Variants in AKNAD1 observed in about 807,000 individuals in gnomAD.
AKNAD1 encodes the protein protein AKNAD1.
Under a neutral mutation model 90.8 loss-of-function variants are expected in AKNAD1, and 67 were observed. The ratio of observed to expected loss-of-function variants is 0.74; its 90% CI spans 0.61 to 0.90. The LOEUF (loss-of-function observed/expected upper bound fraction) is 0.90, where lower values mean the gene tolerates loss of function less well. AKNAD1 is among the 40% of genes least tolerant of loss of function. The probability of loss-of-function intolerance (pLI) is 0.00; values close to 1 mark genes in which losing one functional copy is unlikely to be tolerated. For synonymous variants in AKNAD1, 327 were observed against 341.4 expected (o/e 0.96, Z 0.46); for missense variants, 957 against 975.4 (o/e 0.98, Z 0.25).
At chr1:108,853,927 C>A (rs1240400320) in intron 1 of AKNAD1, among the ~76,000 whole-genome samples, 6 of 96,988 alleles carry the variant, frequency 6.2e-5, no homozygotes, top group African/African-American at 2.5e-4. Flanking sequence ...CAGAGAGAGA[C>A]CCCGTCTCAA....
intron 10 of AKNAD1, among the ~76,000 whole-genome samples, chr1:108,828,799 C>T (rs1664096618): frequency 6.6e-6 from 1 of 151,800 alleles, no homozygotes; most frequent in African/African-American, 2.4e-5. Context: ...ACTTGGATCT[C>T]ACTCAAGTGC....
chr1:108,856,712 T>G (rs1289432074), intron 1 of AKNAD1, among the ~76,000 whole-genome samples: 1 of 134,062 alleles, frequency 7.5e-6, no homozygotes, highest in East Asian at 1.9e-4. Flanking sequence ...TCTCTCTCTC[T>G]CTCTCTCACA....
chr1:108,848,428 C>G (rs879752124), intron 5 of AKNAD1, among the ~76,000 whole-genome samples: 9 of 152,132 alleles, frequency 5.9e-5, no homozygotes, highest in Non-Finnish European at 1.3e-4. Context: ...TTCACCAGTA[C>G]CCATCAACTG....
rs1242102105 is a variant in AKNAD1 at position 108,851,664 on chromosome 1, T to C, written c.993+8A>G. The C allele has an allele frequency of 3.2e-6, 5 of 1,572,414 alleles. No homozygotes were observed. Among genetic ancestry groups the C allele is most frequent in the Non-Finnish European group, 4.3e-6 (5 of 1,164,642 alleles). Reference sequence around the variant, plus strand: ...ATTAATGTGTTTACAGGAGACTGTTTCATTTACCTGGATTTGTTGTGAAGG... The same window carrying C: ...ATTAATGTGTTTACAGGAGACTGTTCCATTTACCTGGATTTGTTGTGAAGG... On this transcript the variant is annotated splice_region_variant and intron_variant, in intron 2 of 15. Transcript: ENST00000370001.
intron 14 of AKNAD1, among the ~76,000 whole-genome samples, chr1:108,818,306 C>T (rs1377208096): frequency 2.0e-5 from 3 of 152,132 alleles, no homozygotes; most frequent in Non-Finnish European, 4.4e-5. Flanking sequence ...TCCTTTCATC[C>T]CTCTCCCCTA....
At position 108,832,706 on chromosome 1, in the gene AKNAD1, A is replaced by G. The variant is rs1168501141; in HGVS notation, c.1746+1741T>C. Reference sequence around the variant, plus strand: ...AACAACTTAAAATATCAATATTGTCAAGGAGGAGGTGCGAGTGGCCAAGAA... The same window carrying G: ...AACAACTTAAAATATCAATATTGTCGAGGAGGAGGTGCGAGTGGCCAAGAA... On this transcript the variant is annotated intron_variant, in intron 9 of 15. Transcript: ENST00000370001. 2.6e-5 allele frequency among the ~76,000 whole-genome samples: 4 copies of G among 152,182 alleles called. No homozygotes were observed. The South Asian group carries it at 6.2e-4, about 24-fold the overall frequency.
At chr1:108,826,971 A>G (rs1451113592) in intron 11 of AKNAD1, among the ~76,000 whole-genome samples, 2 of 151,236 alleles carry the variant, frequency 1.3e-5, no homozygotes, top group Non-Finnish European at 2.9e-5. Context: ...TGAACTCCTG[A>G]GCTCAAGTGA....
rs745945944 is a variant in AKNAD1 at position 108,852,204 on chromosome 1, C to T, written c.461G>A (p.Cys154Tyr). 1 of 1,613,574 alleles carries T rather than the reference C, an allele frequency of 6.2e-7. No individual in the cohort carries two copies. Residue 154 changes from cysteine to tyrosine, a missense_variant, in exon 2 of 16, where the codon TGT becomes TAT. By Grantham distance (194) the Cys-to-Tyr change is radical. Coordinates refer to ENST00000370001, the MANE Select transcript of AKNAD1 (RefSeq NM_152763.5). ...TTTTGGCCAAGAATTCTTATTATAA[C>T]ATGAAATAATACTTTTAATAATAGC... Reference protein sequence around the residue: ...EEAIIKSIISCYNKNSWPKEQ... With the variant: ...EEAIIKSIISYYNKNSWPKEQ...
At position 108,857,038 on chromosome 1, in the gene AKNAD1, A is replaced by G. The variant is rs7519409; in HGVS notation, c.-213T>C. The G allele has an allele frequency of 0.35, 52,758 of 152,144 alleles. 10,473 individuals are homozygous for G. Among genetic ancestry groups the G allele is most frequent in the African/African-American group, 0.54 (22,595 of 41,474 alleles). 9.4% of individuals were successfully genotyped at this position (152,144 alleles called of 1,614,324 possible). A position where few individuals can be genotyped will look rare whatever the true frequency, so the allele number is the denominator to read the frequency against. ...CCAAAGGCATATCCAAAGAGGTTCC[A>G]CTCAGAATCCAACAGAACCTTTCTG... On this transcript the variant is annotated 5_prime_UTR_variant, in exon 1 of 16. Transcript: ENST00000370001.
At position 108,837,604 on chromosome 1, in the gene AKNAD1, A is replaced by C; in HGVS notation, c.1482T>G (p.Ser494Arg). Reference sequence around the variant, plus strand: ...CCAAGTCATCCAGGGTAACTGGAGAACTCACAGGAAGGGAAGGAGCTGAAG... The same window carrying C: ...CCAAGTCATCCAGGGTAACTGGAGACCTCACAGGAAGGGAAGGAGCTGAAG... The part of the protein sequence containing the change: ...KYTSAPSLPV[S>R]SPVTLDDLAS... Residue 494 changes from serine (S) to arginine (R), a missense_variant, in exon 7 of 16, where the codon AGT becomes AGG. Coordinates refer to ENST00000370001, the MANE Select transcript of AKNAD1 (RefSeq NM_152763.5). 6.2e-7 allele frequency: 1 copy of C among 1,614,188 alleles called. No individual in the cohort carries two copies. The highest frequency in any genetic ancestry group is 8.5e-7 in the Non-Finnish European group (1 of 1,180,032).
chr1:108,847,980 T>C (rs1664747029), intron 5 of AKNAD1, among the ~76,000 whole-genome samples: 1 of 152,244 alleles, frequency 6.6e-6, no homozygotes, highest in Non-Finnish European at 1.5e-5. Flanking sequence ...GTTGAATGAA[T>C]GATTTAATTA....
intron 6 of AKNAD1, among the ~76,000 whole-genome samples, chr1:108,841,441 C>T (rs369243511): frequency 1.3e-5 from 2 of 152,240 alleles, no homozygotes; most frequent in East Asian, 3.9e-4. Flanking sequence ...GGTAGAACCC[C>T]ATTTCTTGAA....
At chr1:108,825,514 T>C (rs1407871845) in intron 11 of AKNAD1, among the ~76,000 whole-genome samples, 1 of 151,720 alleles carries the variant, frequency 6.6e-6, no homozygotes, top group Non-Finnish European at 1.5e-5. Context: ...TTTTACACTC[T>C]TAAAATTGAG....
chr1:108,819,751 A>C lies in AKNAD1; in HGVS notation c.2249+794T>G, dbSNP rs79032396. On this transcript the variant is annotated intron_variant, in intron 14 of 15. Transcript: ENST00000370001. ...ACATAACAAGACTCTGTCTCTACAA[A>C]TTTTTTTTTTTTAATGTGCACCTAT... Among the ~76,000 whole-genome samples, 867 of 105,458 alleles carry C rather than the reference A, an allele frequency of 8.2e-3. 11 individuals carry two copies. Among genetic ancestry groups the C allele is most frequent in the African/African-American group, 0.028 (832 of 29,296 alleles). The allele number at this position is 105,458 out of a possible 152,430, so 69.2% of individuals were successfully genotyped here. A position where few individuals can be genotyped will look rare whatever the true frequency, so the allele number is the denominator to read the frequency against.
At chr1:108,820,461 T>A in intron 14 of AKNAD1, 84 bp downstream of exon 14, 4 of 824,796 alleles carry the variant, frequency 4.8e-6, no homozygotes, top group Non-Finnish European at 8.1e-6. Flanking sequence ...TATCTTGGGG[T>A]AGGTAGTTAA....
At chr1:108,844,447 T>C (rs957863469) in intron 5 of AKNAD1, among the ~76,000 whole-genome samples, 3 of 151,502 alleles carry the variant, frequency 2.0e-5, no homozygotes, top group African/African-American at 4.9e-5. Flanking sequence ...TATATAGATA[T>C]AGATAGATAG....
chr1:108,822,188 C>T (rs976028272), intron 13 of AKNAD1, among the ~76,000 whole-genome samples: 2 of 152,188 alleles, frequency 1.3e-5, no homozygotes, highest in Non-Finnish European at 2.9e-5. Flanking sequence ...TACAGATCTA[C>T]AGCTTCCAGA....
intron 2 of AKNAD1, 29 bp downstream of exon 2, chr1:108,851,643 A>T: frequency 6.5e-7 from 1 of 1,532,586 alleles, no homozygotes; most frequent in Non-Finnish European, 8.7e-7. Context: ...GTCCCAATTA[A>T]TGTGTTTACA....
intron 10 of AKNAD1, among the ~76,000 whole-genome samples, chr1:108,828,316 A>G (rs946534676): frequency 6.6e-6 from 1 of 151,670 alleles, no homozygotes; most frequent in Non-Finnish European, 1.5e-5. Flanking sequence ...AGAAAGAAGC[A>G]ACTGCAATGG....
Sources: allele counts gnomAD v4.1 joint callset (sites outside exome capture counted in the v4.1 genomes callset), GRCh38; gene constraint gnomAD v4.1.1; transcripts MANE v1.5; gene names NCBI Gene and HGNC (gene_info 2026-07-23, HGNC 2026-07-21).